SLF1: variants seen among roughly 807,000 people sequenced by gnomAD.
SLF1 encodes the protein SMC5/6 complex localization factor 1, also known as SMC5-SMC6 complex localization factor protein 1.
A neutral mutation model predicts 123.0 loss-of-function variants in SLF1; 105 were observed. The observed-to-expected ratio is 0.85, with a 90% CI of 0.73 to 1.00. SLF1 has a LOEUF of 1.00. Among genes scored for constraint, SLF1 ranks in the 50% least tolerant of loss-of-function variants. SLF1 has a pLI of 0.00. For synonymous variants in SLF1, 434 were observed against 406.6 expected (o/e 1.07, Z -0.81); for missense variants, 1,239 against 1,223.0 (o/e 1.01, Z -0.20).
chr5:94,664,068 T>C (rs540003954), intron 11 of SLF1, among the ~76,000 whole-genome samples, 160 bp downstream of exon 11: 1 of 152,320 alleles, frequency 6.6e-6, no homozygotes, highest in Admixed American at 6.5e-5. Flanking sequence ...TGTTCTGTTT[T>C]CCAGCTACAT....
intron 20 of SLF1, 137 bp from the exon 21 acceptor site, chr5:94,694,694 A>C: frequency 9.0e-7 from 1 of 1,108,710 alleles, no homozygotes; most frequent in South Asian, 1.9e-5. Flanking sequence ...ATAGTCAGTT[A>C]ATTGTGTCGA....
rs777914793 is a variant in SLF1 at position 94,688,715 on chromosome 5, CTCTT to C, written c.2285+50_2285+53del. Reference sequence around the variant, plus strand: ...AGCTGTGCTTTGTTTTGGAGTACAGCTCTTTCTCTGATGCATTTCTTGAACTTAA... The same window carrying C: ...AGCTGTGCTTTGTTTTGGAGTACAGCTCTCTGATGCATTTCTTGAACTTAA... On this transcript the variant is annotated intron_variant, in intron 17 of 20. Coordinates refer to ENST00000265140, the MANE Select transcript of SLF1 (RefSeq NM_032290.4). 8.4e-5 allele frequency: 133 copies of C among 1,590,598 alleles called. 1 individual carries two copies. The East Asian group carries it at 2.5e-3, about 30-fold the overall frequency.
intron 15 of SLF1, 23 bp downstream of exon 15, chr5:94,678,978 T>G (rs746775332): frequency 1.2e-6 from 2 of 1,607,958 alleles, no homozygotes; most frequent in East Asian, 4.5e-5. Context: ...ATGTTCTGTT[T>G]TTTTCAGACC....
chr5:94,643,245 C>G, intron 4 of SLF1, 28 bp from the exon 5 acceptor site: 1 of 1,467,552 alleles, frequency 6.8e-7, no homozygotes, highest in East Asian at 2.5e-5. Flanking sequence ...TTTTCTAATA[C>G]TTTTATACCA....
Position 94,643,263 on chromosome 5 carries a change from T to A in SLF1, c.432-10T>A, listed in dbSNP as rs2152474401. 1 of 1,508,714 alleles carries A rather than the reference T, an allele frequency of 6.6e-7. No homozygotes were observed. Among genetic ancestry groups the A allele is most frequent in the South Asian group, 1.3e-5 (1 of 77,850 alleles). The allele number at this position is 1,508,714 out of a possible 1,614,324, so 93.5% of individuals were successfully genotyped here. A position where few individuals can be genotyped will look rare whatever the true frequency, so the allele number is the denominator to read the frequency against. The stretch of plus-strand genomic sequence containing the variant: ...TCTAATACTTTTATACCATTTACAT[T>A]TTTATTTAGAGTTTTGGAGGCTGGA... On this transcript the variant is annotated splice_polypyrimidine_tract_variant and intron_variant, in intron 4 of 20. Coordinates refer to ENST00000265140, the MANE Select transcript of SLF1 (RefSeq NM_032290.4).
chr5:94,629,297 A>G (rs1403388284), intron 3 of SLF1, 130 bp downstream of exon 3: 2 of 650,410 alleles, frequency 3.1e-6, no homozygotes, highest in Non-Finnish European at 4.6e-6. Context: ...TTTTGAAAAT[A>G]TTTAATATAT....
At chr5:94,648,986 G>C (rs909991288) in intron 5 of SLF1, among the ~76,000 whole-genome samples, 1 of 152,142 alleles carries the variant, frequency 6.6e-6, no homozygotes, top group African/African-American at 2.4e-5. Flanking sequence ...TAAGATAATT[G>C]TTGTTTATTG....
rs2152498024 is a variant in SLF1, at chr5:94,688,380, A to G, written c.2122-126A>G. The G allele has an allele frequency of 3.3e-6, 3 of 906,146 alleles. No homozygotes were observed. In the East Asian group the frequency reaches 8.0e-5, roughly 24 times the overall value. The allele number at this position is 906,146 out of a possible 1,614,324, so 56.1% of individuals were successfully genotyped here. On this transcript the variant is annotated intron_variant, in intron 16 of 20. Transcript: ENST00000265140. ...ATATTTTATTATGTTCAACCAAGAT[A>G]GAGTGGCAACCATAGTGATGCAACC...
rs557651496 is a variant in SLF1, at chr5:94,625,379, T to TTTTA, written c.1-3416_1-3413dup. Among the ~76,000 whole-genome samples, 585 of 151,908 alleles carry TTTTA rather than the reference T, an allele frequency of 3.9e-3. 2 individuals are homozygous for TTTTA. The Middle Eastern group carries it at 0.048, about 12-fold the overall frequency. ...CTATCATTTTCTTTTTATTTTTTAA[T>TTTTA]TTTATTTATTTATTTATTTTTTGAG... On this transcript the variant is annotated intron_variant, in intron 1 of 20. Coordinates refer to ENST00000265140, the MANE Select transcript of SLF1 (RefSeq NM_032290.4).
intron 7 of SLF1, among the ~76,000 whole-genome samples, chr5:94,652,181 TA>T (rs1747819748): frequency 6.6e-6 from 1 of 151,956 alleles, no homozygotes; most frequent in Non-Finnish European, 1.5e-5. Flanking sequence ...CTAATTTTTG[TA>T]ATTTTTTCAG....
At chr5:94,635,884 ATTG>A (rs1745712048) in intron 4 of SLF1, among the ~76,000 whole-genome samples, 1 of 152,114 alleles carries the variant, frequency 6.6e-6, no homozygotes, top group Admixed American at 6.6e-5. Flanking sequence ...CATTACTTAG[ATTG>A]TTAAGTTTTA....
chr5:94,636,406 T>C lies in SLF1; in HGVS notation c.431+5663T>C, dbSNP rs1454686931. 5.3e-5 allele frequency among the ~76,000 whole-genome samples: 8 copies of C among 152,146 alleles called. No homozygotes were observed. In the East Asian group the frequency reaches 1.5e-3, roughly 29 times the overall value. ...TTTCCTCTCTCTTCTGCTGATTTTA[T>C]ACAGTTATTAGGTCTCATAATTCCC... On this transcript the variant is annotated intron_variant, in intron 4 of 20. Transcript: ENST00000265140.
At chr5:94,679,563 G>A (rs1412494811) in intron 15 of SLF1, among the ~76,000 whole-genome samples, 1 of 151,958 alleles carries the variant, frequency 6.6e-6, no homozygotes, top group African/African-American at 2.4e-5. Context: ...CTGCACTCCA[G>A]CCTGGGTGAC....
In SLF1 at chr5:94,692,152, G is replaced by T. The variant is rs377136629; in HGVS notation, c.2591G>T (p.Cys864Phe). The T allele has an allele frequency of 2.0e-5, 32 of 1,613,798 alleles. No individual in the cohort carries two copies. Among genetic ancestry groups the T allele is most frequent in the Non-Finnish European group, 2.6e-5 (31 of 1,179,872 alleles). The change falls in exon 20 of 21, where the codon TGT becomes TTT. Residue 864 changes from cysteine (C) to phenylalanine (F), a missense_variant. Cys to Phe is a radical substitution (Grantham distance 205, BLOSUM62 -2). Coordinates refer to ENST00000265140, the MANE Select transcript of SLF1 (RefSeq NM_032290.4). ...TVCVQEILQR[C>F]PEVDLLTQVD... ...TGTGTCCAGGAAATTTTGCAACGTT[G>T]TCCAGAGGTAGATCTGCTCACTCAA... is the stretch of plus-strand genomic sequence containing the variant.
intron 8 of SLF1, 61 bp from the exon 9 acceptor site, chr5:94,654,566 TATC>T: frequency 7.6e-7 from 1 of 1,314,402 alleles, no homozygotes; most frequent in South Asian, 1.7e-5. Context: ...TCCTTTGTGA[TATC>T]ATCTGTGTTG....
intron 14 of SLF1, 185 bp from the exon 15 acceptor site, chr5:94,678,623 G>GGAGA: frequency 2.1e-6 from 1 of 478,288 alleles, no homozygotes; most frequent in South Asian, 4.5e-5. Context: ...TTTGTCATGT[G>GGAGA]GAGAGAGAGA....
intron 10 of SLF1, among the ~76,000 whole-genome samples, chr5:94,663,270 A>G (rs1027675530): frequency 1.3e-5 from 2 of 152,264 alleles, no homozygotes; most frequent in Non-Finnish European, 2.9e-5. Context: ...ACATTCATAC[A>G]TATCATCCTC....
intron 18 of SLF1, among the ~76,000 whole-genome samples, 165 bp downstream of exon 18, chr5:94,689,771 A>T (rs1157188822): frequency 1.3e-5 from 2 of 152,166 alleles, no homozygotes; most frequent in African/African-American, 4.8e-5. Context: ...ACTGTCATTT[A>T]TGCAAAGAAA....
chr5:94,641,830 G>C (rs1350597160), intron 4 of SLF1, among the ~76,000 whole-genome samples: 1 of 152,164 alleles, frequency 6.6e-6, no homozygotes, highest in African/African-American at 2.4e-5. Context: ...CACTTCCATG[G>C]CAGCTAAATT....
Sources: allele counts gnomAD v4.1 joint callset (sites outside exome capture counted in the v4.1 genomes callset), GRCh38; gene constraint gnomAD v4.1.1; transcripts MANE v1.5; gene names NCBI Gene and HGNC (gene_info 2026-07-23, HGNC 2026-07-21).